The following MARCHF1 variants were observed in gnomAD, a reference collection of about 807,000 sequenced individuals.
MARCHF1 encodes the protein membrane associated ring-CH-type finger 1, also known as E3 ubiquitin-protein ligase MARCHF1.
Under a neutral mutation model 54.2 loss-of-function variants are expected in MARCHF1, and 40 were observed. The observed-to-expected ratio is 0.74, with a 90% CI of 0.57 to 0.96. MARCHF1 has a LOEUF of 0.96. Among genes scored for constraint, MARCHF1 ranks in the 40% least tolerant of loss-of-function variants. MARCHF1 has a pLI of 0.00. For missense variants in MARCHF1, 586 were observed against 656.5 expected (o/e 0.89, Z 1.17); for synonymous variants, 236 against 236.3 (o/e 1.00, Z 0.01).
rs1415992669 is a variant in MARCHF1, at chr4:164,263,629, G to A, written c.-323+120241C>T. Reference sequence around the variant, plus strand: ...CTCAACTTAATAATAAAAACATTTCGAATGTAAAGAAATTTACAAAAGAAA... The same window carrying A: ...CTCAACTTAATAATAAAAACATTTCAAATGTAAAGAAATTTACAAAAGAAA... On this transcript the variant is annotated intron_variant, in intron 1 of 9. Coordinates refer to ENST00000514618, the MANE Select transcript of MARCHF1 (RefSeq NM_001394959.1). 7.9e-5 allele frequency among the ~76,000 whole-genome samples: 12 copies of A among 152,004 alleles called. No individual in the cohort carries two copies. In the East Asian group the frequency reaches 9.7e-4, roughly 12 times the overall value.
chr4:164,005,352 A>G (rs1467892541), intron 2 of MARCHF1, among the ~76,000 whole-genome samples: 1 of 152,220 alleles, frequency 6.6e-6, no homozygotes, highest in Non-Finnish European at 1.5e-5. Context: ...GTTTTAAAAC[A>G]GCAGTGTAGA....
intron 8 of MARCHF1, among the ~76,000 whole-genome samples, chr4:163,551,029 C>T (rs1398452848): frequency 1.3e-5 from 2 of 152,166 alleles, no homozygotes; most frequent in Non-Finnish European, 2.9e-5. Flanking sequence ...GCACGGTGAC[C>T]TCCGTGGAGT....
rs1560803593 is a variant in MARCHF1, at chr4:163,886,344, GATAGAT to G, written c.-38-32181_-38-32176del. Among the ~76,000 whole-genome samples, 62 of 147,922 alleles carry G rather than the reference GATAGAT, an allele frequency of 4.2e-4. 1 individual carries two copies. Among genetic ancestry groups the G allele is most frequent in the Admixed American group, 2.8e-3 (41 of 14,836 alleles). On this transcript the variant is annotated intron_variant, in intron 3 of 9. Coordinates refer to ENST00000514618, the MANE Select transcript of MARCHF1 (RefSeq NM_001394959.1). ...AGATAGATAGATAGATAGATAGATA[GATAGAT>G]ATAGATAGATAGATATAGACAGATA...
intron 1 of MARCHF1, among the ~76,000 whole-genome samples, chr4:164,122,898 C>T (rs1339971600): frequency 1.3e-5 from 2 of 151,986 alleles, no homozygotes; most frequent in African/African-American, 2.4e-5. Context: ...CTATCACCAC[C>T]GTTATTCATC....
intron 2 of MARCHF1, among the ~76,000 whole-genome samples, chr4:164,057,070 T>C (rs1458447865): frequency 1.3e-5 from 2 of 152,074 alleles, no homozygotes; most frequent in East Asian, 3.9e-4. Context: ...AATAGCAAAT[T>C]AAAAACACTG....
At chr4:163,621,947 G>T (rs1741707789) in intron 5 of MARCHF1, among the ~76,000 whole-genome samples, 1 of 152,072 alleles carries the variant, frequency 6.6e-6, no homozygotes, top group South Asian at 2.1e-4. Context: ...TTCTCAGCCA[G>T]CATGGGCAGT....
chr4:163,731,829 A>G (rs1745849421), intron 4 of MARCHF1, among the ~76,000 whole-genome samples: 1 of 152,194 alleles, frequency 6.6e-6, no homozygotes, highest in Admixed American at 6.5e-5. Context: ...CTAAAGTATT[A>G]AGGAAGTTTT....
intron 1 of MARCHF1, among the ~76,000 whole-genome samples, chr4:164,376,127 G>A (rs1269259130): frequency 6.6e-6 from 1 of 152,182 alleles, no homozygotes; most frequent in Non-Finnish European, 1.5e-5. Context: ...CCAGGACCTA[G>A]CTGAGTGTTG....
At chr4:163,530,347 CAT>C (rs990513365) in intron 9 of MARCHF1, 75 of 152,102 alleles carry the variant, frequency 4.9e-4, no homozygotes, top group African/African-American at 1.7e-3. Flanking sequence ...ATATGATCAT[CAT>C]GTGATAAGAT....
intron 1 of MARCHF1, among the ~76,000 whole-genome samples, chr4:164,218,235 C>T (rs1030476775): frequency 1.3e-5 from 2 of 152,028 alleles, no homozygotes; most frequent in Non-Finnish European, 2.9e-5. Flanking sequence ...AAATAGCTAG[C>T]AGAAAATTAC....
At chr4:163,706,678 A>T (rs1182404426) in intron 4 of MARCHF1, among the ~76,000 whole-genome samples, 2 of 152,042 alleles carry the variant, frequency 1.3e-5, no homozygotes, top group Non-Finnish European at 2.9e-5. Flanking sequence ...TTGACATATG[A>T]GTAGAATGCA....
chr4:164,271,209 T>C (rs1733739441), intron 1 of MARCHF1, among the ~76,000 whole-genome samples: 1 of 152,128 alleles, frequency 6.6e-6, no homozygotes, highest in Admixed American at 6.6e-5. Flanking sequence ...TATGTTACAC[T>C]GAATGGCAAG....
At chr4:164,164,022 G>T (rs1170754762) in intron 1 of MARCHF1, among the ~76,000 whole-genome samples, 1 of 151,758 alleles carries the variant, frequency 6.6e-6, no homozygotes, top group East Asian at 1.9e-4. Context: ...TTGAATATAT[G>T]TTCAACTAAA....
intron 2 of MARCHF1, among the ~76,000 whole-genome samples, chr4:163,994,756 C>CACACACACACAA (rs1279416106): frequency 1.3e-4 from 17 of 127,810 alleles, no homozygotes; most frequent in African/African-American, 4.1e-4. Context: ...CACACACACA[C>CACACACACACAA]ACACACACAC....
chr4:163,658,370 G>T (rs1743225347), intron 5 of MARCHF1, among the ~76,000 whole-genome samples: 1 of 152,018 alleles, frequency 6.6e-6, no homozygotes, highest in Non-Finnish European at 1.5e-5. Flanking sequence ...ATGCCAGTCA[G>T]AATGGTGATT....
chr4:164,329,229 AC>A (rs1159231555), intron 1 of MARCHF1, among the ~76,000 whole-genome samples: 2 of 152,154 alleles, frequency 1.3e-5, no homozygotes, highest in Non-Finnish European at 2.9e-5. Context: ...CTCCACGACA[AC>A]CTTTTACTTA....
intron 4 of MARCHF1, among the ~76,000 whole-genome samples, chr4:163,817,633 A>G (rs1343522506): frequency 1.3e-5 from 2 of 152,106 alleles, no homozygotes; most frequent in Admixed American, 6.6e-5. Flanking sequence ...GACAGTACCC[A>G]AATTGAATGT....
chr4:164,300,397 T>C (rs1734525465), intron 1 of MARCHF1, among the ~76,000 whole-genome samples: 1 of 152,132 alleles, frequency 6.6e-6, no homozygotes, highest in African/African-American at 2.4e-5. Context: ...GATCTAGCCA[T>C]GACTATCTCA....
chr4:163,653,846 G>A (rs113008978), intron 5 of MARCHF1, among the ~76,000 whole-genome samples: 1 of 19,008 alleles, frequency 5.3e-5, no homozygotes, highest in Non-Finnish European at 1.0e-4. Flanking sequence ...TGATGGGTAT[G>A]TGTAGTTGGA....
Sources: allele counts gnomAD v4.1 joint callset (sites outside exome capture counted in the v4.1 genomes callset), GRCh38; gene constraint gnomAD v4.1.1; transcripts MANE v1.5; gene names NCBI Gene and HGNC (gene_info 2026-07-23, HGNC 2026-07-21).